The following SLC8A1 variants were observed in gnomAD, a reference collection of about 807,000 sequenced individuals.
The protein encoded by SLC8A1 is solute carrier family 8 member A1.
In SLC8A1, 18 loss-of-function variants were observed where a neutral mutation model predicts 68.3. The ratio of observed to expected loss-of-function variants is 0.26; its 90% CI spans 0.18 to 0.39. The LOEUF (loss-of-function observed/expected upper bound fraction) is 0.39, where lower values mean the gene tolerates loss of function less well. Ranked by LOEUF, SLC8A1 falls within the 10% of genes least tolerant of loss-of-function variation. The probability of loss-of-function intolerance (pLI) is 1.00; values close to 1 mark genes in which losing one functional copy is unlikely to be tolerated. For synonymous variants in SLC8A1, 475 were observed against 415.5 expected (o/e 1.14, Z -1.74); for missense variants, 985 against 1,156.7 (o/e 0.85, Z 2.15).
chr2:40,195,850 C>G (rs952357122), intron 2 of SLC8A1: 3 of 151,872 alleles, frequency 2.0e-5, no homozygotes, highest in African/African-American at 7.3e-5. Context: ...CTGATGTGAG[C>G]TAATAGACTT....
intron 7 of SLC8A1, chr2:40,116,941 G>A (rs182418751): frequency 6.6e-6 from 1 of 152,452 alleles, no homozygotes; most frequent in East Asian, 1.9e-4. Flanking sequence ...CTTCGCAGCT[G>A]ACTGTGTGAC....
intron 7 of SLC8A1, among the ~76,000 whole-genome samples, chr2:40,132,794 C>T (rs1232584229): frequency 6.6e-6 from 1 of 152,002 alleles, no homozygotes; most frequent in Non-Finnish European, 1.5e-5. Context: ...AAAATCAGTT[C>T]ACATCACTTA....
At chr2:40,133,391 TGGGGGG>T (rs3059301) in intron 7 of SLC8A1, among the ~76,000 whole-genome samples, 1 of 144,462 alleles carries the variant, frequency 6.9e-6, no homozygotes, top group Non-Finnish European at 1.5e-5. Flanking sequence ...TATACAAAAT[TGGGGGG>T]GGGGGGGGTG....
In SLC8A1 at chr2:40,312,913, G is replaced by C. The variant is rs59961159; in HGVS notation, c.1808+115560C>G. On this transcript the variant is annotated intron_variant, in intron 2 of 7. Transcript: ENST00000406785. ...TGACATATAATAAACTGAACATAAA[G>C]TGTTCAATGCGATAAATCTAATGGG... Among the ~76,000 whole-genome samples the C allele has an allele frequency of 6.3e-3, 955 of 152,112 alleles. 10 individuals are homozygous for C. The highest frequency in any genetic ancestry group is 0.022 in the African/African-American group (909 of 41,528).
chr2:40,361,765 T>C (rs189303577), intron 2 of SLC8A1, among the ~76,000 whole-genome samples: 24 of 152,080 alleles, frequency 1.6e-4, no homozygotes, highest in African/African-American at 5.5e-4. Flanking sequence ...AAGGATTGCC[T>C]CTGCCCAAAT....
chr2:40,143,266 T>G lies in SLC8A1; in HGVS notation c.2162-3590A>C, dbSNP rs2041908320. Among the ~76,000 whole-genome samples the G allele has an allele frequency of 2.0e-5, 3 of 152,224 alleles. No individual in the cohort carries two copies. The South Asian group carries it at 6.2e-4, about 31-fold the overall frequency. Reference sequence around the variant, plus strand: ...CATGTTCATCCATCACCATCTGGACTACACTTAAAAGTCTGTTCTTTCTTT... The same window carrying G: ...CATGTTCATCCATCACCATCTGGACGACACTTAAAAGTCTGTTCTTTCTTT... On this transcript the variant is annotated intron_variant, in intron 6 of 7. Coordinates refer to ENST00000406785, the Ensembl canonical transcript of SLC8A1.
At chr2:40,449,880 GAATT>G (rs894393125) in intron 1 of SLC8A1, among the ~76,000 whole-genome samples, 2 of 151,982 alleles carry the variant, frequency 1.3e-5, no homozygotes, top group Non-Finnish European at 2.9e-5. Flanking sequence ...GTTTTTCTAG[GAATT>G]AATCATTTTT....
chr2:40,205,301 A>G (rs1055486478), intron 2 of SLC8A1, among the ~76,000 whole-genome samples: 1 of 151,998 alleles, frequency 6.6e-6, no homozygotes, highest in Non-Finnish European at 1.5e-5. Flanking sequence ...TGCTAGGGGC[A>G]AAATAAGGCC....
intron 7 of SLC8A1, among the ~76,000 whole-genome samples, chr2:40,131,343 G>A (rs934046852): frequency 6.6e-6 from 1 of 152,182 alleles, no homozygotes; most frequent in Non-Finnish European, 1.5e-5. Context: ...GCTGTTAACT[G>A]TCAATCTATC....
At chr2:40,251,877 CA>C (rs2062809351) in intron 2 of SLC8A1, 1 of 152,120 alleles carries the variant, frequency 6.6e-6, no homozygotes, top group Admixed American at 6.5e-5. Context: ...TTCATTCATT[CA>C]ATATACATCG....
intron 2 of SLC8A1, among the ~76,000 whole-genome samples, chr2:40,286,644 G>T (rs1184640683): frequency 1.3e-5 from 2 of 152,120 alleles, no homozygotes; most frequent in Non-Finnish European, 2.9e-5. Context: ...CCTTACACTG[G>T]TGTTTCTGTT....
chr2:40,460,685 C>T (rs1703290605), intron 1 of SLC8A1, among the ~76,000 whole-genome samples: 1 of 151,892 alleles, frequency 6.6e-6, no homozygotes, highest in Non-Finnish European at 1.5e-5. Context: ...ATTCTCCTGC[C>T]CCAGCCTCCC....
At chr2:40,404,775 T>G (rs1309096001) in intron 2 of SLC8A1, among the ~76,000 whole-genome samples, 1 of 152,194 alleles carries the variant, frequency 6.6e-6, no homozygotes, top group Non-Finnish European at 1.5e-5. Context: ...AGCTAGTTGT[T>G]GAGCAGTTAA....
intron 2 of SLC8A1, among the ~76,000 whole-genome samples, chr2:40,287,972 AAAG>A (rs1176200289): frequency 2.0e-5 from 3 of 152,100 alleles, no homozygotes; most frequent in African/African-American, 7.2e-5. Flanking sequence ...AGGAAAATAA[AAAG>A]AAGTAAATTT....
chr2:40,293,701 T>A (rs2069763092), intron 2 of SLC8A1, among the ~76,000 whole-genome samples: 1 of 152,166 alleles, frequency 6.6e-6, no homozygotes, highest in South Asian at 2.1e-4. Context: ...CTCTGGTTAC[T>A]TCAAGGCAAT....
chr2:40,326,049 C>G (rs759384), intron 2 of SLC8A1, among the ~76,000 whole-genome samples: 76,212 of 151,764 alleles, frequency 0.5, 21,826 homozygotes, highest in African/African-American at 0.77. Context: ...ACAAGCAGAT[C>G]TACTGCACCT....
chr2:40,291,570 G>A (rs988049274), intron 2 of SLC8A1, among the ~76,000 whole-genome samples: 2 of 152,038 alleles, frequency 1.3e-5, no homozygotes, highest in Non-Finnish European at 2.9e-5. Flanking sequence ...GTGGAAAGAG[G>A]AGTGGACCTC....
intron 2 of SLC8A1, among the ~76,000 whole-genome samples, chr2:40,386,468 G>A (rs1178088771): frequency 1.3e-5 from 2 of 150,438 alleles, no homozygotes; most frequent in Admixed American, 6.6e-5. Context: ...ACCAAAGAAT[G>A]AATGCATGAA....
intron 2 of SLC8A1, among the ~76,000 whole-genome samples, chr2:40,331,145 T>G (rs1484717416): frequency 6.6e-6 from 1 of 152,148 alleles, no homozygotes; most frequent in African/African-American, 2.4e-5. Context: ...ATCTATGGTA[T>G]GAGATTGTTA....
Sources: gnomAD v4.1 joint callset for allele counts (sites outside exome capture counted in the v4.1 genomes callset) on GRCh38, gnomAD v4.1.1 for gene constraint, MANE v1.5 for transcripts, NCBI Gene and HGNC (gene_info 2026-07-23, HGNC 2026-07-21) for gene names.